The following CNOT2 variants were observed in gnomAD, a reference collection of about 807,000 sequenced individuals.
CNOT2 encodes CCR4-NOT transcription complex subunit 2, also known as CC chemokine receptor 4-negative regulator of transcription 2.
A neutral mutation model predicts 72.1 loss-of-function variants in CNOT2; 7 were observed. That is an observed-to-expected ratio of 0.10 (90% CI 0.06 to 0.18). CNOT2 has a LOEUF of 0.18. Among genes scored for constraint, CNOT2 ranks in the 10% least tolerant of loss-of-function variants. The probability of loss-of-function intolerance (pLI) is 1.00; values close to 1 mark genes in which losing one functional copy is unlikely to be tolerated. For synonymous variants in CNOT2, 196 were observed against 225.6 expected, an observed-to-expected ratio of 0.87 and a Z score of 1.17; for missense variants, 345 against 660.3, an observed-to-expected ratio of 0.52 and a Z score of 5.23.
intron 1 of CNOT2, among the ~76,000 whole-genome samples, chr12:70,244,714 T>C (rs1231207312): frequency 6.6e-6 from 1 of 152,194 alleles, no homozygotes; most frequent in Non-Finnish European, 1.5e-5. Flanking sequence ...TTAAAATCGT[T>C]TGGGCAATTC....
chr12:70,309,344 C>T (rs370132410), intron 2 of CNOT2, among the ~76,000 whole-genome samples: 26 of 152,300 alleles, frequency 1.7e-4, no homozygotes, highest in African/African-American at 5.8e-4. Context: ...GGTTAGCTGT[C>T]CTTAGACTTT....
At chr12:70,279,464 G>A (rs947554373) in intron 2 of CNOT2, among the ~76,000 whole-genome samples, 1 of 152,138 alleles carries the variant, frequency 6.6e-6, no homozygotes, top group Non-Finnish European at 1.5e-5. Flanking sequence ...AGGGTATGCT[G>A]AATCAGTTTT....
chr12:70,255,714 A>G (rs1958406069), intron 1 of CNOT2, among the ~76,000 whole-genome samples: 1 of 152,192 alleles, frequency 6.6e-6, no homozygotes. Flanking sequence ...TTTTTCTTCT[A>G]AAAACATATA....
intron 1 of CNOT2, among the ~76,000 whole-genome samples, chr12:70,255,535 A>T (rs947159133): frequency 6.6e-6 from 1 of 152,164 alleles, no homozygotes; most frequent in African/African-American, 2.4e-5. Flanking sequence ...CAAAGCAAGG[A>T]AAGTGAATCA....
intron 2 of CNOT2, among the ~76,000 whole-genome samples, chr12:70,282,425 T>A (rs1870029811): frequency 6.6e-6 from 1 of 152,200 alleles, no homozygotes; most frequent in Non-Finnish European, 1.5e-5. Flanking sequence ...GCCATTTTCT[T>A]CCCCAACATT....
At position 70,329,413 on chromosome 12, in the gene CNOT2, T is replaced by G. The variant is rs1879594140; in HGVS notation, c.239-10T>G. On this transcript the variant is annotated splice_polypyrimidine_tract_variant and intron_variant, in intron 4 of 15. Coordinates refer to ENST00000229195, the MANE Select transcript of CNOT2 (RefSeq NM_014515.7). Reference sequence around the variant, plus strand: ...GCAATGAATTTCCTTCTTCTGAATTTTTTTATTAGGTGCACTAGGCCTTCC... The same window carrying G: ...GCAATGAATTTCCTTCTTCTGAATTGTTTTATTAGGTGCACTAGGCCTTCC... 1.9e-6 allele frequency: 3 copies of G among 1,604,482 alleles called. No homozygotes were observed. Among genetic ancestry groups the G allele is most frequent in the Non-Finnish European group, 1.7e-6 (2 of 1,172,680 alleles).
chr12:70,287,246 A>G (rs889810924), intron 2 of CNOT2, among the ~76,000 whole-genome samples: 1 of 149,474 alleles, frequency 6.7e-6, no homozygotes, highest in Non-Finnish European at 1.5e-5. Context: ...TTTCTTCTTA[A>G]GGTTGTTTAC....
At chr12:70,278,075 C>A in intron 1 of CNOT2, 57 bp from the exon 2 acceptor site, 2 of 523,000 alleles carry the variant, frequency 3.8e-6, no homozygotes, top group Non-Finnish European at 6.9e-6. Flanking sequence ...ATTTTTGCTG[C>A]TGTTGATATA....
chr12:70,338,175 T>G, intron 9 of CNOT2: 1 of 287,518 alleles, frequency 3.5e-6, no homozygotes, highest in East Asian at 6.9e-5. Flanking sequence ...AGATAGATTT[T>G]TTTTTTTCTG....
In CNOT2 at chr12:70,262,155, A is replaced by G. The variant is rs373297023; in HGVS notation, c.-95-15977A>G. ...GTCAATCTCTTTATCTTTTTAGATA[A>G]TAAACTTTAAAAAGTATTTCTCATT... On this transcript the variant is annotated intron_variant, in intron 1 of 15. Coordinates refer to ENST00000229195, the MANE Select transcript of CNOT2 (RefSeq NM_014515.7). Among the ~76,000 whole-genome samples the G allele has an allele frequency of 5.9e-5, 9 of 152,188 alleles. No individual in the cohort carries two copies. The South Asian group carries it at 1.2e-3, about 21-fold the overall frequency.
At chr12:70,255,440 AG>A (rs1565730570) in intron 1 of CNOT2, among the ~76,000 whole-genome samples, 1 of 152,124 alleles carries the variant, frequency 6.6e-6, no homozygotes, top group Non-Finnish European at 1.5e-5. Flanking sequence ...TAAATCTGTA[AG>A]ATCTCTTGGG....
intron 11 of CNOT2, among the ~76,000 whole-genome samples, chr12:70,341,007 T>A (rs1456283454): frequency 6.6e-6 from 1 of 150,804 alleles, no homozygotes; most frequent in South Asian, 2.1e-4. Flanking sequence ...GCGATTCTCC[T>A]GAGTAGCTGG....
At chr12:70,347,231 T>A (rs939819445) in intron 15 of CNOT2, among the ~76,000 whole-genome samples, 2 of 152,184 alleles carry the variant, frequency 1.3e-5, no homozygotes, top group African/African-American at 4.8e-5. Flanking sequence ...TAGTTTTGAA[T>A]CTGCTTTACT....
intron 1 of CNOT2, 79 bp downstream of exon 1, chr12:70,243,559 G>A (rs1957672598): frequency 6.6e-6 from 1 of 152,518 alleles, no homozygotes; most frequent in Non-Finnish European, 1.5e-5. Flanking sequence ...CCCGCAAGGC[G>A]GGGGAATGCC....
chr12:70,297,712 C>T (rs1258956315), intron 2 of CNOT2: 2 of 326,214 alleles, frequency 6.1e-6, no homozygotes, highest in South Asian at 4.7e-5. Context: ...TTCTACTTAT[C>T]TGAAGCCCTC....
chr12:70,251,254 T>C (rs1163567530), intron 1 of CNOT2, among the ~76,000 whole-genome samples: 3 of 152,042 alleles, frequency 2.0e-5, no homozygotes, highest in Non-Finnish European at 4.4e-5. Context: ...CATCCTAGAG[T>C]AGAGTAACTT....
At chr12:70,286,604 T>A (rs1870939935) in intron 2 of CNOT2, among the ~76,000 whole-genome samples, 1 of 149,996 alleles carries the variant, frequency 6.7e-6, no homozygotes, top group Non-Finnish European at 1.5e-5. Context: ...GATGTGTTTG[T>A]CTGTGCCTAT....
At chr12:70,284,614 T>C (rs887520905) in intron 2 of CNOT2, among the ~76,000 whole-genome samples, 2 of 151,578 alleles carry the variant, frequency 1.3e-5, no homozygotes, top group Non-Finnish European at 2.9e-5. Flanking sequence ...TGGCTTCTCT[T>C]TGTCCTCTTT....
At chr12:70,329,253 A>G (rs1429292632) in intron 4 of CNOT2, among the ~76,000 whole-genome samples, 170 bp from the exon 5 acceptor site, 1 of 151,984 alleles carries the variant, frequency 6.6e-6, no homozygotes, top group Non-Finnish European at 1.5e-5. Context: ...AGACTGGAAC[A>G]TATTTTTTGT....
Sources: allele counts gnomAD v4.1 joint callset (sites outside exome capture counted in the v4.1 genomes callset), GRCh38; gene constraint gnomAD v4.1.1; transcripts MANE v1.5; gene names NCBI Gene and HGNC (gene_info 2026-07-23, HGNC 2026-07-21).